ARAP2: variants seen among roughly 807,000 people sequenced by gnomAD.
The protein encoded by ARAP2 is arf-GAP with Rho-GAP domain, ANK repeat and PH domain-containing protein 2.
In ARAP2, 148 loss-of-function variants were observed where a neutral mutation model predicts 194.5. The observed-to-expected ratio is 0.76, with a 90% confidence interval of 0.67 to 0.87. ARAP2 has a LOEUF of 0.87. ARAP2 is among the 40% of genes least tolerant of loss of function. The pLI is 0.00. For synonymous variants in ARAP2, 695 were observed against 683.5 expected, an observed-to-expected ratio of 1.02 and a Z score of -0.26; for missense variants, 2,128 against 1,989.7, an observed-to-expected ratio of 1.07 and a Z score of -1.32.
chr4:36,131,590 G>T (rs1006983022), intron 20 of ARAP2, among the ~76,000 whole-genome samples: 1 of 151,470 alleles, frequency 6.6e-6, no homozygotes, highest in African/African-American at 2.4e-5. Context: ...TGAAAAAATC[G>T]AATGCTGAGT....
intron 6 of ARAP2, among the ~76,000 whole-genome samples, chr4:36,201,712 T>TAA (rs984249735): frequency 2.0e-5 from 3 of 152,164 alleles, no homozygotes; most frequent in African/African-American, 7.2e-5. Context: ...CAACACTGTA[T>TAA]ACACACACAA....
rs973014431 is a variant in ARAP2 at position 36,229,345 on chromosome 4, T to G, written c.142A>C (p.Lys48Gln). The change falls in exon 2 of 33, where the codon AAA becomes CAA. Residue 48 changes from lysine to glutamine, a missense_variant. Transcript: ENST00000303965. ...TGACCTGTAGGTGATATTCCAATTT[T>G]CTGCAGCAGGCTGTCATTTATTGCT... ...CAAINDSLLQ[K>Q]IGISPTGHRR... 6.2e-7 allele frequency: 1 copy of G among 1,614,142 alleles called. No individual in the cohort carries two copies. The highest frequency in any genetic ancestry group is 8.5e-7 in the Non-Finnish European group (1 of 1,180,004).
intron 8 of ARAP2, among the ~76,000 whole-genome samples, chr4:36,181,342 T>C (rs1476139362): frequency 6.6e-6 from 1 of 152,078 alleles, no homozygotes; most frequent in East Asian, 1.9e-4. Context: ...CAATAGTAAA[T>C]TCCTAAAACC....
In ARAP2 at chr4:36,145,824, T is replaced by C. The variant is rs555877610; in HGVS notation, c.3263+1472A>G. ...CTCCGGCTATGTCTTCAACTCTCTT[T>C]TCTAGCTATACTCTCCATGAGGTGA... On this transcript the variant is annotated intron_variant, in intron 19 of 32. Transcript: ENST00000303965. 1.1e-3 allele frequency among the ~76,000 whole-genome samples: 160 copies of C among 152,126 alleles called. 1 individual carries two copies. The highest frequency in any genetic ancestry group is 9.6e-4 in the Non-Finnish European group (65 of 67,968).
chr4:36,018,980 T>G lies in ARAP2; in HGVS notation n.750+164A>C, dbSNP rs541031952. ...GGCATATAGGCAGAGGAGAGCAGCT[T>G]GGAATTTGGGGTAAGAGAAATAAAT... On this transcript the variant is annotated intron_variant and non_coding_transcript_variant, in intron 6 of 12. Transcript: ENST00000503225. Among the ~76,000 whole-genome samples, 6 of 138,028 alleles carry G rather than the reference T, an allele frequency of 4.3e-5. No individual in the cohort carries two copies. In the East Asian group the frequency reaches 1.2e-3, roughly 27 times the overall value. 90.6% of individuals were successfully genotyped at this position (138,028 alleles called of 152,430 possible). A position where few individuals can be genotyped will look rare whatever the true frequency, so the allele number is the denominator to read the frequency against.
chr4:36,117,118 A>G lies in ARAP2; in HGVS notation c.3981T>C (p.Asp1327=). The part of the protein sequence containing the change: ...WKDTQVSQAG[D]LLIEVYVERK... ...TTTCTACATATACTTCAATTAACAA[A>G]TCTCCAGCCTGGGAAACCTAGAAAA... Residue 1327 remains aspartate (D), a synonymous_variant, in exon 25 of 33, where the codon GAT becomes GAC. Coordinates refer to ENST00000303965, the MANE Select transcript of ARAP2 (RefSeq NM_015230.4). 6.3e-7 allele frequency: 1 copy of G among 1,598,000 alleles called. No homozygotes were observed. The highest frequency in any genetic ancestry group is 1.1e-5 in the South Asian group (1 of 89,154).
At chr4:36,185,775 A>G (rs1257931460) in intron 8 of ARAP2, among the ~76,000 whole-genome samples, 1 of 151,554 alleles carries the variant, frequency 6.6e-6, no homozygotes, top group African/African-American at 2.4e-5. Context: ...CAGGAGTTCT[A>G]GACCAACCTG....
Position 36,147,640 on chromosome 4 carries a change from C to T in ARAP2, c.3107G>A (p.Trp1036Ter). 6.2e-7 allele frequency: 1 copy of T among 1,613,534 alleles called. No individual in the cohort carries two copies. The highest frequency in any genetic ancestry group is 8.5e-7 in the Non-Finnish European group (1 of 1,179,704). The change falls in exon 18 of 33, where the codon TGG (tryptophan) becomes TAG (stop). Residue 1036 changes from tryptophan to a stop codon, truncating the protein, a stop_gained. Transcript: ENST00000303965. LOFTEE classifies it high-confidence loss of function. ...CHALDQWRKGWFAMDKSSLHF... is the reference protein window; with the variant it reads ...CHALDQWRKG ...CAAGCTGGATTTGTCCATAGCAAAC[C>T]AGCCTTTTCTCCACTGATCCAGGGC...
intron 27 of ARAP2, among the ~76,000 whole-genome samples, chr4:36,092,588 T>A (rs2109391744): frequency 6.6e-6 from 1 of 152,226 alleles, no homozygotes; most frequent in Non-Finnish European, 1.5e-5. Flanking sequence ...CCAGCCTGGG[T>A]AACAGAGAGA....
At chr4:36,165,394 C>T (rs1353067478) in intron 10 of ARAP2, among the ~76,000 whole-genome samples, 4 of 152,128 alleles carry the variant, frequency 2.6e-5, no homozygotes, top group Admixed American at 6.6e-5. Context: ...AGGTCACAAG[C>T]CTAAACAAGA....
chr4:36,147,189 T>C (rs2109701274), intron 19 of ARAP2, 107 bp downstream of exon 19: 1 of 971,180 alleles, frequency 1.0e-6, no homozygotes, highest in African/African-American at 1.6e-5. Flanking sequence ...TCAGAAAATT[T>C]CAACAGGTTT....
Position 36,068,146 on chromosome 4 carries a change from G to T in ARAP2, c.4876C>A (p.Arg1626=). The T allele has an allele frequency of 1.2e-6, 2 of 1,613,852 alleles. No homozygotes were observed. Among genetic ancestry groups the T allele is most frequent in the Non-Finnish European group, 1.7e-6 (2 of 1,179,770 alleles). ...TTGAAACTCCGATGTTTTCGGGGTC[G>T]ATTTCGAAGTTTATCGTCCTTGTGC... ...LEHKDDKLRN[R]PRKHRSFNCL... The change falls in exon 33 of 33, where the codon CGA becomes AGA. Residue 1626 remains arginine, a synonymous_variant. Coordinates refer to ENST00000303965, the MANE Select transcript of ARAP2 (RefSeq NM_015230.4).
intron 15 of ARAP2, among the ~76,000 whole-genome samples, chr4:36,152,209 G>A (rs1028902907): frequency 1.3e-5 from 2 of 152,084 alleles, no homozygotes; most frequent in African/African-American, 4.8e-5. Context: ...TAGCATAAAC[G>A]AATCCTTTAT....
downstream of ARAP2, among the ~76,000 whole-genome samples, chr4:36,063,458 A>G (rs6854957): frequency 0.43 from 64,838 of 149,454 alleles, 14,627 homozygotes; most frequent in Middle Eastern, 0.54. Context: ...AAAATTTAAA[A>G]AAAGAAAAAA....
intron 27 of ARAP2, among the ~76,000 whole-genome samples, chr4:36,107,322 A>G (rs1455825766): frequency 2.6e-5 from 4 of 151,998 alleles, no homozygotes; most frequent in Non-Finnish European, 4.4e-5. Flanking sequence ...TTAAAAACAA[A>G]CTATTATTTC....
chr4:36,017,112 A>AATATATAT (rs3055209), intron 6 of ARAP2, among the ~76,000 whole-genome samples: 72 of 150,718 alleles, frequency 4.8e-4, no homozygotes, highest in Admixed American at 8.0e-4. Flanking sequence ...TGAAAACTTA[A>AATATATAT]ATATATATAT....
downstream of ARAP2, among the ~76,000 whole-genome samples, chr4:36,062,304 C>T (rs1044399903): frequency 6.6e-5 from 10 of 152,076 alleles, no homozygotes; most frequent in Middle Eastern, 3.2e-3. Context: ...GATTCAAGAC[C>T]GTATTTTCTA....
intron 19 of ARAP2, among the ~76,000 whole-genome samples, chr4:36,137,605 G>A (rs139997578): frequency 6.6e-6 from 1 of 151,678 alleles, no homozygotes; most frequent in Non-Finnish European, 1.5e-5. Context: ...GACTGTCATT[G>A]AGCTTTTGAG....
intron 1 of ARAP2, among the ~76,000 whole-genome samples, chr4:36,233,390 C>T (rs532715016): frequency 8.0e-4 from 118 of 147,418 alleles, no homozygotes; most frequent in Non-Finnish European, 1.4e-3. Flanking sequence ...GTGGGTCCTA[C>T]GAGTCTACAC....
Sources: allele counts gnomAD v4.1 joint callset (sites outside exome capture counted in the v4.1 genomes callset), GRCh38; gene constraint gnomAD v4.1.1; transcripts MANE v1.5; gene names NCBI Gene and HGNC (gene_info 2026-07-23, HGNC 2026-07-21).